CDH12: variants seen among roughly 807,000 people sequenced by gnomAD.
The protein encoded by CDH12 is cadherin 12.
CDH12 carries 41 observed loss-of-function variants against 74.1 expected under a neutral mutation model. That is an observed-to-expected ratio of 0.55 (90% CI 0.43 to 0.72). CDH12 has a LOEUF of 0.72. CDH12 is among the 30% of genes least tolerant of loss of function. The probability of loss-of-function intolerance (pLI) is 0.00; values close to 1 mark genes in which losing one functional copy is unlikely to be tolerated. For synonymous variants in CDH12, 399 were observed against 355.0 expected (o/e 1.12, Z -1.39); for missense variants, 945 against 977.2 (o/e 0.97, Z 0.44).
intron 6 of CDH12, among the ~76,000 whole-genome samples, chr5:21,873,247 T>C (rs576445054): frequency 1.3e-5 from 2 of 152,320 alleles, no homozygotes; most frequent in South Asian, 4.1e-4. Context: ...AGATGTTGAA[T>C]TTCATGGAGG....
chr5:21,982,182 T>A (rs1757333869), intron 5 of CDH12, among the ~76,000 whole-genome samples: 1 of 152,144 alleles, frequency 6.6e-6, no homozygotes, highest in Non-Finnish European at 1.5e-5. Flanking sequence ...TGGGAATGAA[T>A]AGATCAAAAA....
intron 1 of CDH12, among the ~76,000 whole-genome samples, chr5:22,666,297 TTTTTG>T (rs1468423560): frequency 8.7e-5 from 8 of 92,470 alleles, no homozygotes; most frequent in South Asian, 7.8e-4. Flanking sequence ...TTTTTTTTTT[TTTTTG>T]TTTTTGAGAC....
chr5:21,955,927 A>C (rs553825093), intron 6 of CDH12, among the ~76,000 whole-genome samples: 1 of 152,206 alleles, frequency 6.6e-6, no homozygotes, highest in African/African-American at 2.4e-5. Context: ...CAATATTCTC[A>C]AGAACACAGT....
At chr5:22,795,193 C>T (rs185463347) in intron 1 of CDH12, among the ~76,000 whole-genome samples, 1 of 152,098 alleles carries the variant, frequency 6.6e-6, no homozygotes, top group East Asian at 1.9e-4. Flanking sequence ...AACAAAAAGA[C>T]AAAATTTCAA....
At chr5:22,445,588 C>T (rs1744786529) in intron 2 of CDH12, among the ~76,000 whole-genome samples, 1 of 152,032 alleles carries the variant, frequency 6.6e-6, no homozygotes, top group African/African-American at 2.4e-5. Context: ...TAAAACAAAA[C>T]AATTTAAGAA....
At chr5:22,633,337 A>T (rs552705787) in intron 1 of CDH12, among the ~76,000 whole-genome samples, 6 of 152,328 alleles carry the variant, frequency 3.9e-5, no homozygotes, top group Admixed American at 2.6e-4. Flanking sequence ...TAAAAGTGCA[A>T]TGGATTCTTG....
In CDH12 at chr5:22,698,722, T is replaced by C. The variant is rs1208859013; in HGVS notation, c.-523+154336A>G. 5.8e-3 allele frequency among the ~76,000 whole-genome samples: 107 copies of C among 18,416 alleles called. 7 individuals are homozygous for C. Among genetic ancestry groups the C allele is most frequent in the South Asian group, 0.011 (5 of 440 alleles). 12.1% of individuals were successfully genotyped at this position (18,416 alleles called of 152,430 possible). A position where few individuals can be genotyped will look rare whatever the true frequency, so the allele number is the denominator to read the frequency against. On this transcript the variant is annotated intron_variant, in intron 1 of 14. Coordinates refer to ENST00000382254, the MANE Select transcript of CDH12 (RefSeq NM_004061.5). Reference sequence around the variant, plus strand: ...ATATATATATATATATATATATATATATATATATATATAGTGTGTGTGTGT... The same window carrying C: ...ATATATATATATATATATATATATACATATATATATATAGTGTGTGTGTGT...
chr5:21,955,273 T>C (rs1756044309), intron 6 of CDH12, among the ~76,000 whole-genome samples: 1 of 148,998 alleles, frequency 6.7e-6, no homozygotes, highest in Non-Finnish European at 1.5e-5. Flanking sequence ...AATGTCAAGC[T>C]TTTTTTTTTC....
chr5:22,604,850 T>C (rs1036744591), intron 1 of CDH12, among the ~76,000 whole-genome samples: 1 of 152,068 alleles, frequency 6.6e-6, no homozygotes, highest in Non-Finnish European at 1.5e-5. Context: ...CAATGAAAAC[T>C]GAGAAATAAT....
chr5:22,232,189 T>G (rs1465424913), intron 3 of CDH12, among the ~76,000 whole-genome samples: 9 of 151,830 alleles, frequency 5.9e-5, no homozygotes, highest in Admixed American at 6.6e-5. Context: ...TAGTTTGTAT[T>G]TAATCTTAAT....
At chr5:22,090,215 C>T (rs1197578632) in intron 4 of CDH12, among the ~76,000 whole-genome samples, 1 of 151,628 alleles carries the variant, frequency 6.6e-6, no homozygotes, top group African/African-American at 2.4e-5. Context: ...TATCAACCTT[C>T]TAACAATTAA....
At chr5:21,973,000 T>C (rs564783451) in intron 6 of CDH12, among the ~76,000 whole-genome samples, 108 of 150,314 alleles carry the variant, frequency 7.2e-4, no homozygotes, top group Non-Finnish European at 1.3e-3. Flanking sequence ...CCAGGACTAC[T>C]TGAGAACAGC....
rs1229831544 is a variant in CDH12 at position 22,752,632 on chromosome 5, C to T, written c.-523+100426G>A. Among the ~76,000 whole-genome samples the T allele has an allele frequency of 7.6e-5, 2 of 26,294 alleles. 1 individual carries two copies. Among genetic ancestry groups the T allele is most frequent in the Non-Finnish European group, 1.5e-4 (2 of 13,536 alleles). The allele number at this position is 26,294 out of a possible 152,430, so 17.2% of individuals were successfully genotyped here. A position where few individuals can be genotyped will look rare whatever the true frequency, so the allele number is the denominator to read the frequency against. On this transcript the variant is annotated intron_variant, in intron 1 of 14. Coordinates refer to ENST00000382254, the MANE Select transcript of CDH12 (RefSeq NM_004061.5). The stretch of plus-strand genomic sequence containing the variant: ...TGTCGCCCAGTCTGGAGTGCAGTGG[C>T]GAGATCTCCTCTCACTGCAAGCTCC...
At chr5:21,902,522 A>G (rs1337477235) in intron 6 of CDH12, among the ~76,000 whole-genome samples, 1 of 152,036 alleles carries the variant, frequency 6.6e-6, no homozygotes, top group Non-Finnish European at 1.5e-5. Context: ...TGTCCATTAT[A>G]TCTGAGAAGC....
chr5:21,893,626 T>C (rs1752990391), intron 6 of CDH12, among the ~76,000 whole-genome samples: 1 of 152,210 alleles, frequency 6.6e-6, no homozygotes, highest in South Asian at 2.1e-4. Context: ...GCAATTTTGA[T>C]GTCTACTGCA....
intron 1 of CDH12, among the ~76,000 whole-genome samples, chr5:22,799,153 C>T (rs1748379506): frequency 6.6e-6 from 1 of 152,006 alleles, no homozygotes; most frequent in Non-Finnish European, 1.5e-5. Flanking sequence ...AACCACAAAA[C>T]AGAAACTGTC....
intron 1 of CDH12, among the ~76,000 whole-genome samples, chr5:22,827,275 T>C (rs1462809626): frequency 2.0e-5 from 3 of 152,238 alleles, no homozygotes; most frequent in Non-Finnish European, 4.4e-5. Flanking sequence ...ACTTGAGGTC[T>C]CCGCCTAGAT....
At chr5:22,035,734 ACACACAC>A (rs1739137074) in intron 5 of CDH12, among the ~76,000 whole-genome samples, 1 of 151,640 alleles carries the variant, frequency 6.6e-6, no homozygotes, top group Non-Finnish European at 1.5e-5. Flanking sequence ...ACACACACAC[ACACACAC>A]ACACACACAC....
intron 5 of CDH12, among the ~76,000 whole-genome samples, chr5:21,984,955 TCA>T (rs576839895): frequency 2.6e-3 from 395 of 152,190 alleles, no homozygotes; most frequent in African/African-American, 8.8e-3. Flanking sequence ...AACCACATTG[TCA>T]CAGTTTCAGT....
Sources: gnomAD v4.1 joint callset for allele counts (sites outside exome capture counted in the v4.1 genomes callset) on GRCh38, gnomAD v4.1.1 for gene constraint, MANE v1.5 for transcripts, NCBI Gene and HGNC (gene_info 2026-07-23, HGNC 2026-07-21) for gene names.